Variants in HGD observed in about 807,000 individuals in gnomAD.
HGD encodes the protein homogentisate oxidase.
Under a neutral mutation model 60.8 loss-of-function variants are expected in HGD, and 61 were observed. That is an observed-to-expected ratio of 1.00 (90% CI 0.82 to 1.24). The LOEUF (loss-of-function observed/expected upper bound fraction) is 1.24. Among genes scored for constraint, HGD ranks in the 50% most tolerant of loss-of-function variants. HGD has a pLI of 0.00. For synonymous variants in HGD, 212 were observed against 187.7 expected (o/e 1.13, Z -1.06); for missense variants, 542 against 547.1 (o/e 0.99, Z 0.09).
At chr3:120,672,725 T>C (rs1708050692) in intron 3 of HGD, among the ~76,000 whole-genome samples, 2 of 152,206 alleles carry the variant, frequency 1.3e-5, no homozygotes, top group African/African-American at 4.8e-5. Flanking sequence ...CTTATGTTCT[T>C]CATCCTTGTC....
chr3:120,637,546 T>C (rs971020612), intron 12 of HGD, among the ~76,000 whole-genome samples: 1 of 152,210 alleles, frequency 6.6e-6, no homozygotes, highest in Non-Finnish European at 1.5e-5. Flanking sequence ...CATTCCTTAA[T>C]GCAGGCTGCA....
At chr3:120,673,731 T>C (rs1329837299) in intron 3 of HGD, among the ~76,000 whole-genome samples, 1 of 152,210 alleles carries the variant, frequency 6.6e-6, no homozygotes, top group Non-Finnish European at 1.5e-5. Context: ...TCTGCTATGA[T>C]GGCAATACTT....
chr3:120,677,720 C>T (rs946225052), intron 1 of HGD, among the ~76,000 whole-genome samples: 3 of 152,242 alleles, frequency 2.0e-5, no homozygotes, highest in Non-Finnish European at 4.4e-5. Context: ...TATTTGCACA[C>T]TGCCTCCCCA....
At chr3:120,642,179 G>A (rs395269) in intron 10 of HGD, among the ~76,000 whole-genome samples, 1 of 152,130 alleles carries the variant, frequency 6.6e-6, no homozygotes, top group Non-Finnish European at 1.5e-5. Context: ...CCAACTCCAA[G>A]GACTTGAGAT....
At chr3:120,681,879 G>A (rs1347788138) in intron 1 of HGD, among the ~76,000 whole-genome samples, 1 of 152,170 alleles carries the variant, frequency 6.6e-6, no homozygotes, top group African/African-American at 2.4e-5. Flanking sequence ...ACAAAGGCAA[G>A]GGATGACCAA....
rs886415775 is a variant in HGD, at chr3:120,675,846, C to A, written c.33G>T (p.Gly11=). 31 of 1,613,356 alleles carry A rather than the reference C, an allele frequency of 1.9e-5. No individual in the cohort carries two copies. Among genetic ancestry groups the A allele is most frequent in the Non-Finnish European group, 2.6e-5 (31 of 1,179,502 alleles). The change falls in exon 2 of 14, where the codon GGG becomes GGT. Residue 11 remains glycine (G), a synonymous_variant. Coordinates refer to ENST00000283871, the MANE Select transcript of HGD (RefSeq NM_000187.4). MAELKYISGF[G]NECSSEDPRC... ...GAGGATCCTCTGAAGAACACTCATT[C>A]CCAAATCCAGAAATGTACTGTAGGT...
At chr3:120,638,614 A>C (rs772928879) in intron 11 of HGD, 33 bp from the exon 12 acceptor site, 1 of 1,613,024 alleles carries the variant, frequency 6.2e-7, no homozygotes, top group South Asian at 1.1e-5. Flanking sequence ...TGAACGCATG[A>C]TGCAAGGGAA....
intron 9 of HGD, among the ~76,000 whole-genome samples, chr3:120,645,823 T>C (rs192965792): frequency 6.6e-6 from 1 of 152,314 alleles, no homozygotes; most frequent in East Asian, 1.9e-4. Flanking sequence ...AACAAAAATA[T>C]CTTCCTCCTA....
Position 120,638,572 on chromosome 3 carries a change from T to C in HGD, c.889A>G (p.Ile297Val). The C allele has an allele frequency of 6.2e-7, 1 of 1,613,788 alleles. No individual in the cohort carries two copies. The highest frequency in any genetic ancestry group is 8.5e-7 in the Non-Finnish European group (1 of 1,179,908). ...SVAFDHADPS[I>V]FTVLTAKSVR... ...GACTTAGCAGTCAATACTGTGAAAA[T>C]GGATGGGTCCTGTGAACACACAAGG... The change falls in exon 12 of 14, where the codon ATT (isoleucine) becomes GTT (valine). Residue 297 changes from isoleucine to valine, a missense_variant. Physicochemically the swap from Ile to Val is conservative, Grantham distance 29. Transcript: ENST00000283871.
At chr3:120,633,651 G>A in intron 12 of HGD, 1 of 1,215,900 alleles carries the variant, frequency 8.2e-7, no homozygotes, top group Non-Finnish European at 1.1e-6. Flanking sequence ...ATAATAGAGA[G>A]CGAATGTACT....
chr3:120,633,369 A>C, intron 12 of HGD, 41 bp from the exon 13 acceptor site: 1 of 1,614,020 alleles, frequency 6.2e-7, no homozygotes, highest in Non-Finnish European at 8.5e-7. Flanking sequence ...TATCCAAGGC[A>C]AGACCAGTAA....
chr3:120,666,787 C>T (rs1055467498), intron 4 of HGD, among the ~76,000 whole-genome samples: 1 of 152,068 alleles, frequency 6.6e-6, no homozygotes, highest in African/African-American at 2.4e-5. Context: ...GCTGGGATTA[C>T]AGGCATGAGC....
chr3:120,673,507 C>CAG (rs10575916), intron 3 of HGD, among the ~76,000 whole-genome samples: 15 of 151,018 alleles, frequency 9.9e-5, no homozygotes, highest in Admixed American at 5.3e-4. Context: ...TTTGGGCTTA[C>CAG]AGAGAGAGAG....
chr3:120,677,974 G>C (rs1708164044), intron 1 of HGD: 1 of 152,210 alleles, frequency 6.6e-6, no homozygotes, highest in African/African-American at 2.4e-5. Context: ...TGTGAGTGAT[G>C]ATCAGGCCAA....
intron 4 of HGD, among the ~76,000 whole-genome samples, chr3:120,656,128 G>A (rs1385778611): frequency 6.6e-6 from 1 of 152,180 alleles, no homozygotes; most frequent in African/African-American, 2.4e-5. Context: ...CTTGCACTCA[G>A]AGGATAGGCT....
At chr3:120,642,401 T>C (rs1941013892) in intron 10 of HGD, among the ~76,000 whole-genome samples, 1 of 152,202 alleles carries the variant, frequency 6.6e-6, no homozygotes, top group Non-Finnish European at 1.5e-5. Flanking sequence ...GGGAAGACAC[T>C]GCTATTCCTG....
intron 4 of HGD, among the ~76,000 whole-genome samples, chr3:120,662,991 T>C (rs1707813053): frequency 6.6e-6 from 1 of 151,988 alleles, no homozygotes; most frequent in African/African-American, 2.4e-5. Context: ...GAAGATGATG[T>C]GAGGAGCCAA....
chr3:120,667,188 T>C (rs1707916795), intron 4 of HGD, among the ~76,000 whole-genome samples: 1 of 151,668 alleles, frequency 6.6e-6, no homozygotes, highest in Non-Finnish European at 1.5e-5. Flanking sequence ...TAGCTGGCCA[T>C]TGTGGTGCAC....
intron 4 of HGD, among the ~76,000 whole-genome samples, chr3:120,655,349 C>T (rs1941462514): frequency 6.6e-6 from 1 of 152,146 alleles, no homozygotes; most frequent in Non-Finnish European, 1.5e-5. Context: ...TTCAATAGGG[C>T]CCACAATCCG....
Sources: gnomAD v4.1 joint callset for allele counts (sites outside exome capture counted in the v4.1 genomes callset) on GRCh38, gnomAD v4.1.1 for gene constraint, MANE v1.5 for transcripts, NCBI Gene and HGNC (gene_info 2026-07-23, HGNC 2026-07-21) for gene names.